The following SLC44A5 variants were observed in gnomAD, a reference collection of about 807,000 sequenced individuals.
SLC44A5 encodes choline transporter-like protein 5.
SLC44A5 carries 57 observed loss-of-function variants against 101.8 expected under a neutral mutation model. That is an observed-to-expected ratio of 0.56 (90% CI 0.45 to 0.70). SLC44A5 has a LOEUF of 0.70. Among genes scored for constraint, SLC44A5 ranks in the 30% least tolerant of loss-of-function variants. The pLI is 0.00. For synonymous variants in SLC44A5, 281 were observed against 290.9 expected, an observed-to-expected ratio of 0.97 and a Z score of 0.35; for missense variants, 737 against 853.1, an observed-to-expected ratio of 0.86 and a Z score of 1.70.
intron 2 of SLC44A5, among the ~76,000 whole-genome samples, chr1:75,409,979 G>A (rs1171621012): frequency 6.6e-6 from 1 of 152,014 alleles, no homozygotes; most frequent in African/African-American, 2.4e-5. Flanking sequence ...GGATTCCTCA[G>A]CTCACATTTT....
At chr1:75,453,051 C>T (rs989663260) in intron 2 of SLC44A5, among the ~76,000 whole-genome samples, 6 of 152,094 alleles carry the variant, frequency 3.9e-5, no homozygotes, top group Admixed American at 1.3e-4. Context: ...TAATAGTCAT[C>T]TACAGAATAC....
intron 2 of SLC44A5, among the ~76,000 whole-genome samples, chr1:75,434,043 T>C (rs1664756209): frequency 1.3e-5 from 2 of 151,918 alleles, no homozygotes; most frequent in African/African-American, 4.8e-5. Context: ...CCGCAACACA[T>C]GGGAATTATG....
At chr1:75,227,379 A>C (rs930490648) in intron 13 of SLC44A5, among the ~76,000 whole-genome samples, 1 of 141,412 alleles carries the variant, frequency 7.1e-6, no homozygotes, top group African/African-American at 3.1e-5. Context: ...AATTAAATAC[A>C]TAAATAAATA....
At chr1:75,475,653 C>A (rs929283948) in intron 2 of SLC44A5, among the ~76,000 whole-genome samples, 3 of 152,190 alleles carry the variant, frequency 2.0e-5, no homozygotes, top group African/African-American at 7.2e-5. Context: ...CAGCCATCTC[C>A]AAACCTTTCA....
the SLC44A5 span, among the ~76,000 whole-genome samples, chr1:75,722,263 T>C: frequency 2.0e-5 from 3 of 152,200 alleles, no homozygotes; most frequent in Non-Finnish European, 4.4e-5. Context: ...AAAAGTGAAG[T>C]AGAGGTTCCT....
At chr1:75,304,494 G>C (rs1039543880) in intron 4 of SLC44A5, among the ~76,000 whole-genome samples, 5 of 152,166 alleles carry the variant, frequency 3.3e-5, no homozygotes, top group Non-Finnish European at 5.9e-5. Context: ...GTGAGTCAAG[G>C]AAAGTAGCAG....
the SLC44A5 span, among the ~76,000 whole-genome samples, chr1:75,644,642 A>T: frequency 8.0e-3 from 951 of 119,094 alleles, 13 homozygotes; most frequent in African/African-American, 0.023. Flanking sequence ...ATATATATAT[A>T]TTTTTTTTTA....
intron 6 of SLC44A5, among the ~76,000 whole-genome samples, chr1:75,259,712 A>C (rs998784675): frequency 1.3e-5 from 2 of 152,126 alleles, no homozygotes; most frequent in African/African-American, 4.8e-5. Context: ...AAGAGCAACC[A>C]CAAGACACAC....
intron 4 of SLC44A5, among the ~76,000 whole-genome samples, chr1:75,325,743 G>A (rs1656535764): frequency 8.2e-6 from 1 of 121,874 alleles, no homozygotes; most frequent in African/African-American, 3.3e-5. Context: ...TCCACTGAGG[G>A]TCGTGTGCAT....
chr1:75,450,101 C>G (rs2101656902), intron 2 of SLC44A5, among the ~76,000 whole-genome samples: 1 of 152,250 alleles, frequency 6.6e-6, no homozygotes, highest in South Asian at 2.1e-4. Context: ...ATGTAGGACA[C>G]CCCAGATCCC....
At chr1:75,603,939 G>A (rs1246665304) in intron 1 of SLC44A5, among the ~76,000 whole-genome samples, 4 of 151,602 alleles carry the variant, frequency 2.6e-5, no homozygotes, top group Admixed American at 6.6e-5. Flanking sequence ...CACAGTTTGT[G>A]AATATTTTCT....
At chr1:75,261,475 G>A (rs1650497459) in intron 6 of SLC44A5, among the ~76,000 whole-genome samples, 1 of 152,102 alleles carries the variant, frequency 6.6e-6, no homozygotes. Context: ...CCAGGGAGAA[G>A]TTGAATCCTG....
the SLC44A5 span, among the ~76,000 whole-genome samples, chr1:75,629,770 A>G: frequency 6.6e-6 from 1 of 152,212 alleles, no homozygotes; most frequent in Admixed American, 6.6e-5. Context: ...AACTTCACAA[A>G]GAAATAATTT....
At chr1:75,601,241 T>C (rs111859130) in intron 1 of SLC44A5, among the ~76,000 whole-genome samples, 2,480 of 152,166 alleles carry the variant, frequency 0.016, 74 homozygotes, top group African/African-American at 0.057. Context: ...TGGATGACAC[T>C]GGAAACCATC....
At chr1:75,376,056 A>G (rs954108645) in intron 3 of SLC44A5, among the ~76,000 whole-genome samples, 3 of 152,162 alleles carry the variant, frequency 2.0e-5, no homozygotes, top group African/African-American at 7.2e-5. Flanking sequence ...TTCCCTTTCC[A>G]AGTCAAAGAA....
chr1:75,394,916 A>G (rs1182913926), intron 3 of SLC44A5, among the ~76,000 whole-genome samples: 1 of 152,124 alleles, frequency 6.6e-6, no homozygotes, highest in Non-Finnish European at 1.5e-5. Flanking sequence ...ATGCACTTTT[A>G]GTGGATGCAA....
At chr1:75,425,651 T>C (rs567575669) in intron 2 of SLC44A5, among the ~76,000 whole-genome samples, 23 of 152,292 alleles carry the variant, frequency 1.5e-4, no homozygotes, top group African/African-American at 5.3e-4. Context: ...AGACCATGGG[T>C]AGTGGCAGCC....
chr1:75,486,573 T>G (rs1018143275), intron 2 of SLC44A5, among the ~76,000 whole-genome samples: 10 of 152,238 alleles, frequency 6.6e-5, no homozygotes, highest in Non-Finnish European at 1.5e-4. Flanking sequence ...CGATCAGCCT[T>G]TTTGAAAAGC....
At chr1:75,659,403 A>T in the SLC44A5 span, among the ~76,000 whole-genome samples, 1 of 130,746 alleles carries the variant, frequency 7.6e-6, no homozygotes, top group Non-Finnish European at 1.6e-5. Flanking sequence ...AAGAAAAAGA[A>T]GGAAAGAAAG....
Sources: allele counts gnomAD v4.1 joint callset (sites outside exome capture counted in the v4.1 genomes callset), GRCh38; gene constraint gnomAD v4.1.1; transcripts MANE v1.5; gene names NCBI Gene and HGNC (gene_info 2026-07-23, HGNC 2026-07-21).